The following BTBD9 variants were observed in gnomAD, a reference collection of about 807,000 sequenced individuals.
BTBD9 encodes the protein BTB/POZ domain-containing protein 9.
Under a neutral mutation model 64.3 loss-of-function variants are expected in BTBD9, and 49 were observed. The ratio of observed to expected loss-of-function variants is 0.76; its 90% CI spans 0.61 to 0.97. BTBD9 has a LOEUF of 0.97. Ranked by LOEUF, BTBD9 falls within the 50% of genes least tolerant of loss-of-function variation. The pLI is 0.00. For missense variants in BTBD9, 598 were observed against 762.1 expected (o/e 0.78, Z 2.53); for synonymous variants, 260 against 274.7 (o/e 0.95, Z 0.53).
Position 38,292,705 on chromosome 6 carries a change from C to T in BTBD9, c.1265-4244G>A, listed in dbSNP as rs1010212364. ...TTTATTGTGTCTATTTGATTCTTCT[C>T]TCTTTTCTTCTTTATTAGTCTGGCT... On this transcript the variant is annotated intron_variant, in intron 7 of 10. Transcript: ENST00000481247. 2.6e-5 allele frequency among the ~76,000 whole-genome samples: 4 copies of T among 152,160 alleles called. No homozygotes were observed. In the East Asian group the frequency reaches 7.7e-4, roughly 29 times the overall value.
intron 2 of BTBD9, chr6:38,595,822 T>G: frequency 1.0e-6 from 1 of 985,314 alleles, no homozygotes; most frequent in Non-Finnish European, 1.2e-6. Context: ...TTTCCATTAA[T>G]CCAGAGAGCA....
chr6:38,250,733 C>T (rs534503874), intron 9 of BTBD9, among the ~76,000 whole-genome samples: 12 of 152,088 alleles, frequency 7.9e-5, no homozygotes, highest in South Asian at 2.1e-4. Flanking sequence ...TCTTCATCAA[C>T]GTAGTAAAGA....
At chr6:38,604,385 C>A (rs1356004764) in intron 1 of BTBD9, among the ~76,000 whole-genome samples, 4 of 152,164 alleles carry the variant, frequency 2.6e-5, no homozygotes, top group Non-Finnish European at 5.9e-5. Flanking sequence ...ATTCCAATTA[C>A]CAGTTAACAC....
At chr6:38,606,142 G>A (rs1777424247) in intron 1 of BTBD9, among the ~76,000 whole-genome samples, 1 of 152,132 alleles carries the variant, frequency 6.6e-6, no homozygotes, top group Non-Finnish European at 1.5e-5. Flanking sequence ...TCGGGCCTTT[G>A]GCCACAGACT....
chr6:38,176,494 C>T (rs149746356), intron 10 of BTBD9, among the ~76,000 whole-genome samples: 122 of 152,324 alleles, frequency 8.0e-4, no homozygotes, highest in Non-Finnish European at 1.3e-3. Context: ...GGCTCAGGCA[C>T]GGTCCTCGCC....
chr6:38,542,099 T>C (rs758403911), intron 6 of BTBD9, among the ~76,000 whole-genome samples: 1 of 152,188 alleles, frequency 6.6e-6, no homozygotes, highest in African/African-American at 2.4e-5. Flanking sequence ...CTTTCCCTAG[T>C]TGATTTCATC....
chr6:38,237,909 A>G (rs1169601898), intron 9 of BTBD9, among the ~76,000 whole-genome samples: 1 of 152,124 alleles, frequency 6.6e-6, no homozygotes, highest in East Asian at 1.9e-4. Context: ...AGGCTGAGGC[A>G]AAAAGACTGC....
chr6:38,575,502 C>T (rs545426419), intron 6 of BTBD9, among the ~76,000 whole-genome samples: 1 of 152,138 alleles, frequency 6.6e-6, no homozygotes, highest in South Asian at 2.1e-4. Flanking sequence ...AATTTATTTG[C>T]CCAGTGAAGT....
At chr6:38,432,637 G>A (rs1582420790) in intron 6 of BTBD9, among the ~76,000 whole-genome samples, 1 of 152,028 alleles carries the variant, frequency 6.6e-6, no homozygotes, top group African/African-American at 2.4e-5. Flanking sequence ...CTTCTGAGAT[G>A]TTTTTCAGAC....
chr6:38,426,417 CCCTTGAATGGGAGCTCTGTTTT>C (rs1449411499), intron 6 of BTBD9, among the ~76,000 whole-genome samples: 1 of 151,988 alleles, frequency 6.6e-6, no homozygotes, highest in East Asian at 1.9e-4. Flanking sequence ...GGGTCCCCTC[CCCTTGAATGGGAGCTCTGTTTT>C]CACTCTGTTT....
chr6:38,501,700 T>C (rs1022977713), intron 6 of BTBD9, among the ~76,000 whole-genome samples: 2 of 152,168 alleles, frequency 1.3e-5, no homozygotes, highest in African/African-American at 2.4e-5. Flanking sequence ...TTACCTCCCA[T>C]GTCTGTGCAC....
At chr6:38,612,004 C>G (rs2127513612) in intron 1 of BTBD9, among the ~76,000 whole-genome samples, 1 of 152,224 alleles carries the variant, frequency 6.6e-6, no homozygotes, top group African/African-American at 2.4e-5. Context: ...TGTAAACAAA[C>G]CTTAACAACG....
chr6:38,575,998 T>C lies in BTBD9; in HGVS notation c.1154+1602A>G, dbSNP rs189424850. ...GATCATGATCAAAGGCACGTTTCCA[T>C]ACATACAACAGGAGCTTTCAGGTGG... is the stretch of plus-strand genomic sequence containing the variant. On this transcript the variant is annotated intron_variant, in intron 6 of 10. Coordinates refer to ENST00000481247, the MANE Select transcript of BTBD9 (RefSeq NM_001099272.2). 2.0e-5 allele frequency among the ~76,000 whole-genome samples: 3 copies of C among 152,346 alleles called. No individual in the cohort carries two copies. In the East Asian group the frequency reaches 5.8e-4, roughly 29 times the overall value.
chr6:38,227,842 T>C (rs1763451814), intron 9 of BTBD9, among the ~76,000 whole-genome samples: 4 of 152,218 alleles, frequency 2.6e-5, no homozygotes, highest in Non-Finnish European at 4.4e-5. Flanking sequence ...ACTTCTGGAA[T>C]GCTGTGTGGT....
chr6:38,387,994 C>T (rs1211974634), intron 6 of BTBD9, among the ~76,000 whole-genome samples: 4 of 152,086 alleles, frequency 2.6e-5, no homozygotes, highest in African/African-American at 9.7e-5. Context: ...CCAATTCTAC[C>T]TTCTCAGATA....
intron 6 of BTBD9, among the ~76,000 whole-genome samples, chr6:38,370,408 A>C (rs1765369940): frequency 6.6e-6 from 1 of 152,232 alleles, no homozygotes; most frequent in South Asian, 2.1e-4. Context: ...TTATGAATTA[A>C]ATGAGCTATT....
intron 10 of BTBD9, among the ~76,000 whole-genome samples, chr6:38,177,713 T>C (rs1296707678): frequency 6.6e-6 from 1 of 152,182 alleles, no homozygotes; most frequent in African/African-American, 2.4e-5. Flanking sequence ...CTGGTTCTCA[T>C]TGTTTCTTCT....
intron 9 of BTBD9, among the ~76,000 whole-genome samples, chr6:38,201,180 C>T (rs1762450896): frequency 6.6e-6 from 1 of 152,012 alleles, no homozygotes; most frequent in Non-Finnish European, 1.5e-5. Context: ...TGAACACAGA[C>T]ACAAAACTTC....
At chr6:38,533,313 CAAAG>C (rs1349162013) in intron 6 of BTBD9, among the ~76,000 whole-genome samples, 1 of 152,018 alleles carries the variant, frequency 6.6e-6, no homozygotes, top group Non-Finnish European at 1.5e-5. Context: ...TAAGAAGACA[CAAAG>C]AAGTCACTAT....
Sources: gnomAD v4.1 joint callset for allele counts (sites outside exome capture counted in the v4.1 genomes callset) on GRCh38, gnomAD v4.1.1 for gene constraint, MANE v1.5 for transcripts, NCBI Gene and HGNC (gene_info 2026-07-23, HGNC 2026-07-21) for gene names.